Variants in WFDC8 observed in about 807,000 individuals in gnomAD.
WFDC8 encodes the protein WAP four-disulfide core domain protein 8.
A neutral mutation model predicts 27.0 loss-of-function variants in WFDC8; 24 were observed. The ratio of observed to expected loss-of-function variants is 0.89; its 90% CI spans 0.64 to 1.25. The LOEUF (loss-of-function observed/expected upper bound fraction) is 1.25. Among genes scored for constraint, WFDC8 ranks in the 50% most tolerant of loss-of-function variants. The pLI is 0.00. For missense variants in WFDC8, 287 were observed against 295.9 expected, an observed-to-expected ratio of 0.97 and a Z score of 0.22; for synonymous variants, 106 against 99.7, an observed-to-expected ratio of 1.06 and a Z score of -0.38.
Position 45,555,552 on chromosome 20 carries a change from G to A in WFDC8, c.445+149C>T, listed in dbSNP as rs1003156339. ...AAGGAAACTGAAGCTTATAAAGGCA[G>A]GCAACTGGCCCAAGACCTCCCAGCC... On this transcript the variant is annotated intron_variant, in intron 4 of 5. Coordinates refer to ENST00000289953, the MANE Select transcript of WFDC8 (RefSeq NM_130896.3). The A allele has an allele frequency of 3.3e-5, 26 of 785,424 alleles. No homozygotes were observed. In the African/African-American group the frequency reaches 4.3e-4, roughly 13 times the overall value. The allele number at this position is 785,424 out of a possible 1,614,324, so 48.7% of individuals were successfully genotyped here.
At chr20:45,555,398 T>C (rs966897077) in intron 4 of WFDC8, among the ~76,000 whole-genome samples, 1 of 152,200 alleles carries the variant, frequency 6.6e-6, no homozygotes, top group Non-Finnish European at 1.5e-5. Context: ...AAACACCTTC[T>C]TCCAAGGGGG....
chr20:45,558,982 C>T lies in WFDC8; in HGVS notation c.147G>A (p.Gly49=), dbSNP rs753610472. 9 of 1,613,666 alleles carry T rather than the reference C, an allele frequency of 5.6e-6. No homozygotes were observed. In the African/African-American group the frequency reaches 1.2e-4, roughly 22 times the overall value. ...MLTKKIKHKP[G]LCPKERLTCT... ...AGGTGAGCCTCTCTTTGGGACATAA[C>T]CCTGGTTTGTCTGCAAGAAAGAAAT... The change falls in exon 3 of 6, where the codon GGG becomes GGA. Residue 49 remains glycine (G), a synonymous_variant. Coordinates refer to ENST00000289953, the MANE Select transcript of WFDC8 (RefSeq NM_130896.3).
At chr20:45,554,925 G>A (rs1041804927) in intron 4 of WFDC8, among the ~76,000 whole-genome samples, 1 of 152,198 alleles carries the variant, frequency 6.6e-6, no homozygotes, top group African/African-American at 2.4e-5. Flanking sequence ...ATCTGAGGTC[G>A]AAATTGCAAC....
At chr20:45,564,151 A>G (rs948807042) in intron 1 of WFDC8, among the ~76,000 whole-genome samples, 1 of 152,204 alleles carries the variant, frequency 6.6e-6, no homozygotes, top group Non-Finnish European at 1.5e-5. Context: ...CTTATAGGTA[A>G]CAAATGAGCA....
At chr20:45,565,195 T>C (rs1001767170) in intron 1 of WFDC8, among the ~76,000 whole-genome samples, 1 of 152,108 alleles carries the variant, frequency 6.6e-6, no homozygotes, top group African/African-American at 2.4e-5. Flanking sequence ...AGATTTTGAT[T>C]GAAATCCACG....
intron 3 of WFDC8, 84 bp downstream of exon 3, chr20:45,558,768 T>C (rs934050774): frequency 1.3e-6 from 2 of 1,545,662 alleles, no homozygotes; most frequent in African/African-American, 1.4e-5. Flanking sequence ...TGGGTCCTTG[T>C]CCTGCCATCC....
At chr20:45,572,947 T>C (rs1980920371) in intron 1 of WFDC8, among the ~76,000 whole-genome samples, 1 of 152,248 alleles carries the variant, frequency 6.6e-6, no homozygotes, top group Middle Eastern at 3.2e-3. Context: ...TCAAGTCCTT[T>C]GCCCATTTTT....
chr20:45,573,891 G>A (rs959363945), intron 1 of WFDC8, among the ~76,000 whole-genome samples: 2 of 152,098 alleles, frequency 1.3e-5, no homozygotes, highest in East Asian at 1.9e-4. Flanking sequence ...CTGTTTCTAT[G>A]ACAGTACCAT....
At chr20:45,559,094 C>T (rs1980375638) in intron 2 of WFDC8, 102 bp from the exon 3 acceptor site, 3 of 1,439,866 alleles carry the variant, frequency 2.1e-6, no homozygotes, top group South Asian at 1.3e-5. Flanking sequence ...CTATCCTCTA[C>T]CTTCGATTCT....
chr20:45,576,146 GTGC>G (rs1351840738), intron 1 of WFDC8, among the ~76,000 whole-genome samples: 1 of 151,310 alleles, frequency 6.6e-6, no homozygotes, highest in Non-Finnish European at 1.5e-5. Flanking sequence ...TCTCCATATT[GTGC>G]TGCTAAAATA....
chr20:45,573,835 T>C (rs1980953292), intron 1 of WFDC8, among the ~76,000 whole-genome samples: 1 of 152,220 alleles, frequency 6.6e-6, no homozygotes, highest in Admixed American at 6.5e-5. Context: ...CATAAATGTA[T>C]AGATTTATTT....
At chr20:45,564,465 A>G (rs560806267) in intron 1 of WFDC8, among the ~76,000 whole-genome samples, 1 of 152,204 alleles carries the variant, frequency 6.6e-6, no homozygotes, top group African/African-American at 2.4e-5. Context: ...AGGTCAGGAG[A>G]TTGAGACCAT....
At chr20:45,557,844 A>G (rs888502561) in intron 3 of WFDC8, among the ~76,000 whole-genome samples, 3 of 152,224 alleles carry the variant, frequency 2.0e-5, no homozygotes, top group East Asian at 3.8e-4. Flanking sequence ...AGAAGGAATG[A>G]AATACCAAGG....
At chr20:45,572,891 G>A (rs1980918086) in intron 1 of WFDC8, among the ~76,000 whole-genome samples, 2 of 152,376 alleles carry the variant, frequency 1.3e-5, no homozygotes, top group South Asian at 4.1e-4. Context: ...ACAGGCGTGA[G>A]CCACCGCGCC....
intron 1 of WFDC8, among the ~76,000 whole-genome samples, chr20:45,573,656 G>C (rs1246763653): frequency 6.6e-6 from 1 of 152,098 alleles, no homozygotes; most frequent in Non-Finnish European, 1.5e-5. Flanking sequence ...TGGCTGAGTG[G>C]TGTATATATA....
At chr20:45,553,077 C>G (rs538200071) in intron 5 of WFDC8, 59 bp downstream of exon 5, 32 of 1,560,830 alleles carry the variant, frequency 2.1e-5, no homozygotes, top group South Asian at 1.6e-4. Flanking sequence ...TCCATGGAGA[C>G]AGCATGACAT....
At chr20:45,553,364 A>G (rs1980118443) in intron 4 of WFDC8, 88 bp from the exon 5 acceptor site, 5 of 1,491,596 alleles carry the variant, frequency 3.4e-6, no homozygotes, top group African/African-American at 2.8e-5. Flanking sequence ...CAAAGCTAGT[A>G]TCCCTTTCTG....
downstream of WFDC8, chr20:45,551,225 C>A (rs1980022153): frequency 6.6e-6 from 1 of 151,994 alleles, no homozygotes; most frequent in African/African-American, 2.4e-5. Flanking sequence ...ATTATGCCAA[C>A]AAATTAGAAG....
intron 4 of WFDC8, 88 bp from the exon 5 acceptor site, chr20:45,553,364 AT>A: frequency 1.3e-6 from 2 of 1,491,596 alleles, no homozygotes; most frequent in South Asian, 2.7e-5. Context: ...CAAAGCTAGT[AT>A]CCCTTTCTGC....
Sources: gnomAD v4.1 joint callset for allele counts (sites outside exome capture counted in the v4.1 genomes callset) on GRCh38, gnomAD v4.1.1 for gene constraint, MANE v1.5 for transcripts, NCBI Gene and HGNC (gene_info 2026-07-23, HGNC 2026-07-21) for gene names.